The following GLT1D1 variants were observed in gnomAD, a reference collection of about 807,000 sequenced individuals.
GLT1D1 encodes the protein glycosyltransferase 1 domain-containing protein 1.
GLT1D1 carries 21 observed loss-of-function variants against 28.7 expected under a neutral mutation model. The observed-to-expected ratio is 0.73, with a 90% CI of 0.52 to 1.05. GLT1D1 has a LOEUF of 1.05. Among genes scored for constraint, GLT1D1 ranks in the 50% least tolerant of loss-of-function variants. The pLI is 0.00. For missense variants in GLT1D1, 343 were observed against 330.6 expected (o/e 1.04, Z -0.29); for synonymous variants, 147 against 124.8 (o/e 1.18, Z -1.19).
chr12:128,938,091 T>A (rs1052823188), intron 4 of GLT1D1, among the ~76,000 whole-genome samples: 3 of 152,208 alleles, frequency 2.0e-5, no homozygotes, highest in Admixed American at 2.0e-4. Context: ...TTTTACAAAT[T>A]CAGCCCCAGG....
At position 128,983,116 on chromosome 12, in the gene GLT1D1, T is replaced by C. The variant is rs1364317106; in HGVS notation, c.*26T>C. The C allele has an allele frequency of 6.2e-7, 1 of 1,606,756 alleles. No homozygotes were observed. The highest frequency in any genetic ancestry group is 2.2e-5 in the East Asian group (1 of 44,862). On this transcript the variant is annotated 3_prime_UTR_variant, in exon 8 of 8. Transcript: ENST00000281703. The surrounding 1 kb of genome is among the most constrained non-coding windows in gnomAD (Gnocchi z 4.7). ...GGGCCCCGCCTCATCAGACACCTGCTCTCTGACACACAGCTCTGGGTGCAC... is the reference window on the plus strand; with the variant it reads ...GGGCCCCGCCTCATCAGACACCTGCCCTCTGACACACAGCTCTGGGTGCAC...
chr12:128,933,436 C>T (rs1874167105), intron 4 of GLT1D1, among the ~76,000 whole-genome samples: 1 of 152,264 alleles, frequency 6.6e-6, no homozygotes, highest in South Asian at 2.1e-4. Context: ...AAAACTGTCC[C>T]GGGCTGCCCT....
intron 4 of GLT1D1, among the ~76,000 whole-genome samples, chr12:128,912,663 C>G (rs1001124464): frequency 2.7e-5 from 4 of 149,350 alleles, no homozygotes; most frequent in Non-Finnish European, 6.0e-5. Context: ...GAAATGGCTA[C>G]TTTTTTTTTT....
intron 1 of GLT1D1, among the ~76,000 whole-genome samples, chr12:128,867,077 G>C (rs1956549971): frequency 6.6e-6 from 1 of 151,834 alleles, no homozygotes; most frequent in African/African-American, 2.4e-5. Context: ...CAATTTTCTG[G>C]CTCATTGACC....
intron 4 of GLT1D1, among the ~76,000 whole-genome samples, chr12:128,901,322 G>T (rs1041295125): frequency 6.6e-6 from 1 of 151,818 alleles, no homozygotes; most frequent in South Asian, 2.1e-4. Context: ...GTTTTGCCTT[G>T]TTGGCCAGGC....
intron 3 of GLT1D1, among the ~76,000 whole-genome samples, chr12:128,889,305 G>T (rs1413681956): frequency 1.3e-5 from 2 of 152,156 alleles, no homozygotes; most frequent in Non-Finnish European, 2.9e-5. Context: ...TGCAAGAAGG[G>T]TCACCAACAG....
Position 128,875,969 on chromosome 12 carries a change from G to C in GLT1D1, c.124G>C (p.Glu42Gln), listed in dbSNP as rs947404760. The C allele has an allele frequency of 6.2e-7, 1 of 1,614,090 alleles. No homozygotes were observed. Among genetic ancestry groups the C allele is most frequent in the African/African-American group, 1.3e-5 (1 of 75,036 alleles). Residue 42 changes from glutamate to glutamine, a missense_variant, in exon 2 of 8, where the codon GAA becomes CAA. Transcript: ENST00000281703. ...CGTTTTGAAGGATGCCTTTGACTTTGAAAGCCGATCTGAGATTGCAAACCT... is the reference window on the plus strand; with the variant it reads ...CGTTTTGAAGGATGCCTTTGACTTTCAAAGCCGATCTGAGATTGCAAACCT...
rs773061481 is a variant in GLT1D1 at position 128,966,661 on chromosome 12, G to A, written c.639+9018G>A. ...CCTGGCACTAAATGTGTGTTGACAG[G>A]TGAATGGTGAGCACAGGGTCCCGGG... On this transcript the variant is annotated intron_variant, in intron 7 of 7. Coordinates refer to ENST00000281703, the MANE Select transcript of GLT1D1 (RefSeq NM_144669.3). Among the ~76,000 whole-genome samples, 28 of 152,192 alleles carry A rather than the reference G, an allele frequency of 1.8e-4. 1 individual carries two copies. Among genetic ancestry groups the A allele is most frequent in the Admixed American group, 2.6e-4 (4 of 15,280 alleles).
In GLT1D1 at chr12:128,853,562, G is replaced by A. The variant is rs868645855; in HGVS notation, c.-20G>A. The stretch of plus-strand genomic sequence containing the variant: ...TCGGCGGCGGCGGGGCCGGTCGATG[G>A]CCCGGGCGGCGGCGGCGGCATGCGG... On this transcript the variant is annotated 5_prime_UTR_variant, in exon 1 of 8. Transcript: ENST00000281703. The A allele has an allele frequency of 3.7e-5, 40 of 1,083,612 alleles. 1 individual carries two copies. The highest frequency in any genetic ancestry group is 8.4e-4 in the Middle Eastern group (2 of 2,380). The allele number at this position is 1,083,612 out of a possible 1,614,324, so 67.1% of individuals were successfully genotyped here. A position where few individuals can be genotyped will look rare whatever the true frequency, so the allele number is the denominator to read the frequency against.
intron 6 of GLT1D1, among the ~76,000 whole-genome samples, chr12:128,955,978 T>G (rs574935536): frequency 1.3e-5 from 2 of 150,642 alleles, no homozygotes; most frequent in African/African-American, 4.9e-5. Flanking sequence ...GCTAACACAG[T>G]GAAACCCCAT....
In GLT1D1 at chr12:128,947,468, T is replaced by C. The variant is rs768300598; in HGVS notation, c.540+10T>C. 42 of 1,613,978 alleles carry C rather than the reference T, an allele frequency of 2.6e-5. 2 individuals are homozygous for C. In the South Asian group the frequency reaches 4.3e-4, roughly 16 times the overall value. ...AGCTGCAATTTTGGAGGTAATTATGTAACTCGAGTACTGAAAGTGGGAGTG... is the reference window on the plus strand; with the variant it reads ...AGCTGCAATTTTGGAGGTAATTATGCAACTCGAGTACTGAAAGTGGGAGTG... On this transcript the variant is annotated intron_variant, in intron 6 of 7. Coordinates refer to ENST00000281703, the MANE Select transcript of GLT1D1 (RefSeq NM_144669.3).
chr12:128,974,469 T>C (rs555516213), intron 7 of GLT1D1, among the ~76,000 whole-genome samples: 1 of 152,182 alleles, frequency 6.6e-6, no homozygotes, highest in Non-Finnish European at 1.5e-5. Flanking sequence ...GGTCTTGCAC[T>C]GTTTTCCCTC....
intron 7 of GLT1D1, among the ~76,000 whole-genome samples, chr12:128,971,190 A>G (rs1879007543): frequency 6.6e-6 from 1 of 152,144 alleles, no homozygotes; most frequent in Admixed American, 6.5e-5. Flanking sequence ...TCTGGTGCTG[A>G]GTGCCACGCG....
At chr12:128,945,140 C>T in intron 4 of GLT1D1, 186 bp from the exon 9 acceptor site, 1 of 736,410 alleles carries the variant, frequency 1.4e-6, no homozygotes, top group Non-Finnish European at 2.5e-6. Context: ...CGCGACGACA[C>T]AGTGCCCTTG....
At chr12:128,924,653 C>T (rs1245544359) in intron 4 of GLT1D1, among the ~76,000 whole-genome samples, 1 of 151,968 alleles carries the variant, frequency 6.6e-6, no homozygotes, top group Non-Finnish European at 1.5e-5. Context: ...GATGGGGTTT[C>T]ACCATCTTGG....
chr12:128,874,175 T>TTTCC (rs1956815753), intron 1 of GLT1D1, among the ~76,000 whole-genome samples: 1 of 140,086 alleles, frequency 7.1e-6, no homozygotes, highest in African/African-American at 2.7e-5. Flanking sequence ...TCTTTCTTTC[T>TTTCC]TTTTTTCTCT....
rs1397894974 is a variant in GLT1D1, at chr12:128,942,735, G to GTTTTTTTTTT, written c.376-2588_376-2587insTTTTTTTTTT. Among the ~76,000 whole-genome samples, 112 of 89,478 alleles carry GTTTTTTTTTT rather than the reference G, an allele frequency of 1.3e-3. 37 individuals carry two copies. The highest frequency in any genetic ancestry group is 4.9e-3 in the African/African-American group (112 of 23,086). The allele number at this position is 89,478 out of a possible 152,430, so 58.7% of individuals were successfully genotyped here. ...ATCACTTTAGATTCCAATTTTCTTT[G>GTTTTTTTTTT]TTTGTTTGTTTTTGTTTTTTGTTTT... On this transcript the variant is annotated intron_variant, in intron 4 of 7. Transcript: ENST00000281703.
intron 2 of GLT1D1, among the ~76,000 whole-genome samples, chr12:128,882,955 C>G (rs1446798844): frequency 6.6e-6 from 1 of 150,926 alleles, no homozygotes; most frequent in Admixed American, 6.6e-5. Flanking sequence ...GAGACGGAGT[C>G]TCACTCTGTC....
At chr12:128,977,638 C>T (rs1209214057) in intron 7 of GLT1D1, among the ~76,000 whole-genome samples, 1 of 152,130 alleles carries the variant, frequency 6.6e-6, no homozygotes, top group African/African-American at 2.4e-5. Flanking sequence ...AAGGCATTTG[C>T]GTTTCCCACC....
Sources: gnomAD v4.1 joint callset for allele counts (sites outside exome capture counted in the v4.1 genomes callset) on GRCh38, gnomAD v4.1.1 for gene constraint, Gnocchi (gnomAD v3.1) non-coding constraint, MANE v1.5 for transcripts, NCBI Gene and HGNC (gene_info 2026-07-23, HGNC 2026-07-21) for gene names.